The following CHEK2 variants were observed in gnomAD, a reference collection of about 807,000 sequenced individuals.
The protein encoded by CHEK2 is checkpoint kinase 2.
Under a neutral mutation model 69.1 loss-of-function variants are expected in CHEK2, and 71 were observed. The ratio of observed to expected loss-of-function variants is 1.03; its 90% CI spans 0.85 to 1.25. The LOEUF is 1.25. Among genes scored for constraint, CHEK2 ranks in the 50% most tolerant of loss-of-function variants. CHEK2 has a pLI of 0.00. For missense variants in CHEK2, 664 were observed against 649.6 expected, an observed-to-expected ratio of 1.02 and a Z score of -0.24; for synonymous variants, 189 against 226.9, an observed-to-expected ratio of 0.83 and a Z score of 1.50.
At chr22:28,713,204 T>C (rs1286913921) in intron 5 of CHEK2, among the ~76,000 whole-genome samples, 1 of 152,256 alleles carries the variant, frequency 6.6e-6, no homozygotes, top group Non-Finnish European at 1.5e-5. Context: ...AGTTTATCTA[T>C]TCACCTTCCG....
intron 2 of CHEK2, among the ~76,000 whole-genome samples, chr22:28,731,047 C>T (rs1482512942): frequency 6.6e-6 from 1 of 151,660 alleles, no homozygotes; most frequent in Admixed American, 6.6e-5. Context: ...ACCAAGAATA[C>T]AAAAAGTTAG....
At chr22:28,699,362 C>CTTTTTTTTT (rs67508991) in intron 9 of CHEK2, among the ~76,000 whole-genome samples, 40 of 78,034 alleles carry the variant, frequency 5.1e-4, no homozygotes, top group African/African-American at 1.2e-3. Flanking sequence ...AGAGCTTTTT[C>CTTTTTTTTT]TTTTTTTTTT....
chr22:28,720,390 CAAAA>C (rs960853254), intron 4 of CHEK2, among the ~76,000 whole-genome samples: 1 of 119,886 alleles, frequency 8.3e-6, no homozygotes. Context: ...TGTGCCCAGC[CAAAA>C]AAAAAAAAAG....
rs146198085 is a variant in CHEK2, at chr22:28,725,013, T to G, written c.556A>C (p.Asn186His). 1.4e-4 allele frequency: 233 copies of G among 1,613,946 alleles called. No individual in the cohort carries two copies. The highest frequency in any genetic ancestry group is 1.9e-4 in the Non-Finnish European group (225 of 1,180,008). ...GKGKRRPLNN[N>H]SEIALSLSRN... ...CTTAGTGACAGTGCAATTTCAGAAT[T>G]GTTATTCAAAGGACGGCGTTTTCCT... Residue 186 changes from asparagine to histidine, a missense_variant, in exon 4 of 15, where the codon AAT becomes CAT. Physicochemically the swap from Asn to His is moderately conservative, Grantham distance 68 (BLOSUM62 1). Coordinates refer to ENST00000404276, the MANE Select transcript of CHEK2 (RefSeq NM_007194.4).
intron 4 of CHEK2, among the ~76,000 whole-genome samples, chr22:28,723,663 G>T (rs377686117): frequency 2.0e-5 from 3 of 149,924 alleles, no homozygotes; most frequent in Non-Finnish European, 4.4e-5. Context: ...AATGAATAGG[G>T]CTGGACATGG....
intron 7 of CHEK2, among the ~76,000 whole-genome samples, chr22:28,708,363 A>ATATGTGTGTG (rs1555919270): frequency 1.4e-5 from 2 of 139,668 alleles, no homozygotes; most frequent in African/African-American, 2.7e-5. Context: ...CTCTAAAAAT[A>ATATGTGTGTG]TGTGTGTGTG....
At chr22:28,732,971 C>G (rs528268088) in intron 2 of CHEK2, among the ~76,000 whole-genome samples, 7 of 152,122 alleles carry the variant, frequency 4.6e-5, no homozygotes, top group Non-Finnish European at 1.0e-4. Flanking sequence ...TTTGTATTTT[C>G]AGGAGAGACA....
intron 8 of CHEK2, among the ~76,000 whole-genome samples, chr22:28,701,523 C>G (rs562051650): frequency 5.9e-5 from 9 of 152,232 alleles, no homozygotes; most frequent in African/African-American, 1.9e-4. Flanking sequence ...GTTGTCTATA[C>G]AGTCTTAATG....
chr22:28,723,737 C>G (rs2053888040), intron 4 of CHEK2, among the ~76,000 whole-genome samples: 1 of 151,658 alleles, frequency 6.6e-6, no homozygotes, highest in African/African-American at 2.4e-5. Flanking sequence ...TGCTTGAGCT[C>G]AGAAGTCTAA....
At chr22:28,717,000 T>A (rs2053609760) in intron 5 of CHEK2, among the ~76,000 whole-genome samples, 2 of 152,216 alleles carry the variant, frequency 1.3e-5, no homozygotes, top group South Asian at 2.1e-4. Context: ...ATCTTCTAAC[T>A]AAGCCAGATG....
intron 13 of CHEK2, among the ~76,000 whole-genome samples, chr22:28,692,646 G>A (rs1366932882): frequency 6.6e-6 from 1 of 152,192 alleles, no homozygotes; most frequent in African/African-American, 2.4e-5. Flanking sequence ...GTAATCCCCA[G>A]AGAAACAGCA....
chr22:28,695,202 C>A lies in CHEK2; in HGVS notation c.1300G>T (p.Val434Leu). ...YPPFSEHRTQ[V>L]SLKDQITSGK... ...CTGGTGATCTGATCCTTCAGTGACA[C>A]TTGAGTCCTATGCTCAGAGAAAGGT... The change falls in exon 12 of 15, where the codon GTG becomes TTG. Residue 434 changes from valine (V) to leucine (L), a missense_variant. Coordinates refer to ENST00000404276, the MANE Select transcript of CHEK2 (RefSeq NM_007194.4). The A allele has an allele frequency of 6.2e-7, 1 of 1,613,210 alleles. No homozygotes were observed. Among genetic ancestry groups the A allele is most frequent in the Non-Finnish European group, 8.5e-7 (1 of 1,179,234 alleles).
At chr22:28,708,974 A>AAC in intron 7 of CHEK2, 1 of 406,586 alleles carries the variant, frequency 2.5e-6, no homozygotes, top group Non-Finnish European at 4.8e-6. Flanking sequence ...AAAAAAAAAA[A>AAC]CAAACAAAAA....
At chr22:28,729,540 C>CAAAAAAAAAAAAAAAAAAAA (rs58149342) in intron 2 of CHEK2, among the ~76,000 whole-genome samples, 29 of 83,074 alleles carry the variant, frequency 3.5e-4, no homozygotes, top group African/African-American at 4.8e-4. Context: ...GACTCCATCT[C>CAAAAAAAAAAAAAAAAAAAA]AAAAAAAAAA....
intron 1 of CHEK2, among the ~76,000 whole-genome samples, chr22:28,739,137 G>C (rs2054492016): frequency 2.0e-5 from 3 of 151,986 alleles, no homozygotes; most frequent in African/African-American, 7.3e-5. Context: ...GGGCATGGTG[G>C]CCCGTGCCTG....
At chr22:28,696,323 G>A (rs1358762383) in intron 10 of CHEK2, among the ~76,000 whole-genome samples, 1 of 152,190 alleles carries the variant, frequency 6.6e-6, no homozygotes, top group Non-Finnish European at 1.5e-5. Flanking sequence ...AGATTCTAAA[G>A]TGATGCCAGA....
At chr22:28,739,585 A>T (rs755392507) in intron 1 of CHEK2, among the ~76,000 whole-genome samples, 6 of 151,972 alleles carry the variant, frequency 3.9e-5, no homozygotes, top group Non-Finnish European at 8.8e-5. Context: ...GCTACTTGGG[A>T]GGCTGAGGCA....
intron 6 of CHEK2, among the ~76,000 whole-genome samples, chr22:28,710,961 C>T (rs2053370063): frequency 6.6e-6 from 1 of 152,152 alleles, no homozygotes; most frequent in South Asian, 2.1e-4. Flanking sequence ...ATCTTAGAAT[C>T]ATAGGGGAAA....
chr22:28,709,966 G>A (rs1369135001), intron 7 of CHEK2, 40 bp downstream of exon 7: 1 of 1,128,738 alleles, frequency 8.9e-7, no homozygotes, highest in African/African-American at 1.5e-5. Context: ...CATATTTTGA[G>A]ATAGATAAAT....
Sources: gnomAD v4.1 joint callset for allele counts (sites outside exome capture counted in the v4.1 genomes callset) on GRCh38, gnomAD v4.1.1 for gene constraint, MANE v1.5 for transcripts, NCBI Gene and HGNC (gene_info 2026-07-23, HGNC 2026-07-21) for gene names.